SPAM1: variants seen among roughly 807,000 people sequenced by gnomAD.
The protein encoded by SPAM1 is sperm adhesion molecule 1.
A neutral mutation model predicts 29.6 loss-of-function variants in SPAM1; 22 were observed. The ratio of observed to expected loss-of-function variants is 0.74; its 90% confidence interval spans 0.53 to 1.06. SPAM1 has a LOEUF of 1.06. Among genes scored for constraint, SPAM1 ranks in the 50% least tolerant of loss-of-function variants. SPAM1 has a pLI of 0.00. For synonymous variants in SPAM1, 194 were observed against 204.6 expected (o/e 0.95, Z 0.44); for missense variants, 534 against 604.0 (o/e 0.88, Z 1.21).
In SPAM1 at chr7:123,970,796, C is replaced by A. The variant is rs146644088; in HGVS notation, c.*49-211C>A. On this transcript the variant is annotated intron_variant, in intron 6 of 6. Coordinates refer to the SPAM1 transcript ENST00000340011. ...TACAAGTAAAGAAACATATTCTATT[C>A]CATAATTTTGTGGTAGCAAACAAAG... Among the ~76,000 whole-genome samples the A allele has an allele frequency of 8.0e-3, 1,218 of 151,972 alleles. 8 individuals carry two copies. Among genetic ancestry groups the A allele is most frequent in the Non-Finnish European group, 0.012 (782 of 67,940 alleles).
Position 123,937,459 on chromosome 7 carries a change from G to C in SPAM1, c.-319+12107G>C, listed in dbSNP as rs543373559. On this transcript the variant is annotated intron_variant, in intron 1 of 4. Transcript: ENST00000682466. ...TACTAAAAATACAAAAAATTAGCCG[G>C]GCATGGTGGCGGGCGCCTGTAGTCC... Among the ~76,000 whole-genome samples, 286 of 152,002 alleles carry C rather than the reference G, an allele frequency of 1.9e-3. 1 individual carries two copies. Among genetic ancestry groups the C allele is most frequent in the Middle Eastern group, 3.4e-3 (1 of 294 alleles).
intron 1 of SPAM1, among the ~76,000 whole-genome samples, chr7:123,941,371 G>T (rs771276205): frequency 1.8e-4 from 27 of 152,168 alleles, no homozygotes; most frequent in Non-Finnish European, 2.5e-4. Flanking sequence ...ACATTGGTTT[G>T]GTGTGGCAGG....
chr7:123,937,596 CAAAAAAAAA>C (rs5887154), intron 1 of SPAM1, among the ~76,000 whole-genome samples: 1 of 85,856 alleles, frequency 1.2e-5, no homozygotes, highest in Non-Finnish European at 2.2e-5. Context: ...GACTCCATCT[CAAAAAAAAA>C]AAAAAAAAAA....
intron 1 of SPAM1, among the ~76,000 whole-genome samples, chr7:123,941,623 C>A (rs1808430920): frequency 1.3e-5 from 2 of 152,106 alleles, no homozygotes; most frequent in Admixed American, 6.5e-5. Context: ...CCCTTGTGGG[C>A]AAATTGTGCG....
At chr7:123,962,774 A>G (rs1000996485), downstream of SPAM1, among the ~76,000 whole-genome samples, 32 of 151,916 alleles carry the variant, frequency 2.1e-4, no homozygotes, top group African/African-American at 7.5e-4. Context: ...TTCCTTCTAC[A>G]AGTGGCAACT....
At chr7:123,928,386 G>T (rs1203755653) in intron 1 of SPAM1, among the ~76,000 whole-genome samples, 1 of 152,050 alleles carries the variant, frequency 6.6e-6, no homozygotes, top group African/African-American at 2.4e-5. Flanking sequence ...TTGGTCTGAA[G>T]GTAGGAAAAT....
At chr7:123,958,375 G>T (rs1792290847) in intron 4 of SPAM1, among the ~76,000 whole-genome samples, 1 of 152,038 alleles carries the variant, frequency 6.6e-6, no homozygotes, top group Non-Finnish European at 1.5e-5. Flanking sequence ...AATCATTTTA[G>T]TTAGTCATCG....
chr7:123,967,898 T>C (rs2117080819), intron 5 of SPAM1, among the ~76,000 whole-genome samples: 1 of 152,132 alleles, frequency 6.6e-6, no homozygotes, highest in Non-Finnish European at 1.5e-5. Flanking sequence ...AGAAGGCTAT[T>C]GCCATTATCT....
chr7:123,956,501 C>T (rs1025186409), intron 4 of SPAM1, among the ~76,000 whole-genome samples: 9 of 151,932 alleles, frequency 5.9e-5, no homozygotes, highest in South Asian at 2.1e-4. Context: ...CATTTCTTTT[C>T]GTTCCATTTT....
intron 1 of SPAM1, among the ~76,000 whole-genome samples, chr7:123,941,989 G>A (rs1330651392): frequency 6.6e-6 from 1 of 152,122 alleles, no homozygotes; most frequent in East Asian, 1.9e-4. Flanking sequence ...AACAACAAAC[G>A]AAGAAGTGAG....
chr7:123,971,303 C>T (rs957019990), exon 7 of SPAM1: 14 of 151,974 alleles, frequency 9.2e-5, no homozygotes, highest in African/African-American at 3.1e-4. Flanking sequence ...CCTTTTCCAT[C>T]AATTTTAGCA....
At chr7:123,964,409 AATAG>A (rs1309785993), downstream of SPAM1, among the ~76,000 whole-genome samples, 1 of 151,970 alleles carries the variant, frequency 6.6e-6, no homozygotes, top group African/African-American at 2.4e-5. Flanking sequence ...AATCCTAGAT[AATAG>A]ATATAAGGAA....
At position 123,947,619 on chromosome 7, in the gene SPAM1, CA is replaced by C. The variant is rs997291072; in HGVS notation, c.-318-2252del. 5.1e-3 allele frequency: 730 copies of C among 143,592 alleles called. 2 individuals carry two copies. Among genetic ancestry groups the C allele is most frequent in the Non-Finnish European group, 8.2e-3 (529 of 64,470 alleles). The allele number at this position is 143,592 out of a possible 1,614,324, so 8.9% of individuals were successfully genotyped here. A position where few individuals can be genotyped will look rare whatever the true frequency, so the allele number is the denominator to read the frequency against. On this transcript the variant is annotated intron_variant, in intron 1 of 4. Transcript: ENST00000682466. ...ACACACACACACACACACACACACA[CA>C]GACAGGTTCACACACTAACATTTCA...
chr7:123,953,228 G>A (rs539906753), intron 2 of SPAM1, 137 bp from the exon 3 acceptor site: 1 of 203,408 alleles, frequency 4.9e-6, no homozygotes, highest in East Asian at 1.2e-4. Flanking sequence ...TAATTTCATA[G>A]ATTCAAACAC....
At chr7:123,934,028 A>G (rs1038021931) in intron 1 of SPAM1, among the ~76,000 whole-genome samples, 6 of 152,162 alleles carry the variant, frequency 3.9e-5, no homozygotes, top group African/African-American at 1.2e-4. Flanking sequence ...TTGTGTTACA[A>G]TTCCCTACAG....
chr7:123,939,242 T>C (rs987484583), intron 1 of SPAM1, among the ~76,000 whole-genome samples: 3 of 152,030 alleles, frequency 2.0e-5, no homozygotes, highest in South Asian at 2.1e-4. Context: ...CCCGCCATCA[T>C]GCCCGGCTAA....
At chr7:123,933,055 T>TA (rs1297737232) in intron 1 of SPAM1, among the ~76,000 whole-genome samples, 2 of 151,854 alleles carry the variant, frequency 1.3e-5, no homozygotes, top group African/African-American at 4.8e-5. Flanking sequence ...TTATTTTATT[T>TA]TTTTTTTTTT....
chr7:123,945,171 T>C (rs1279815647), intron 1 of SPAM1, among the ~76,000 whole-genome samples: 1 of 152,144 alleles, frequency 6.6e-6, no homozygotes, highest in South Asian at 2.1e-4. Flanking sequence ...CAAAAATACC[T>C]CTTTATTTCT....
intron 1 of SPAM1, among the ~76,000 whole-genome samples, chr7:123,946,748 A>G (rs1217713188): frequency 6.6e-6 from 1 of 152,184 alleles, no homozygotes; most frequent in African/African-American, 2.4e-5. Flanking sequence ...CTTCCACTGC[A>G]TACAAAATTT....
Sources: gnomAD v4.1 joint callset for allele counts (sites outside exome capture counted in the v4.1 genomes callset) on GRCh38, gnomAD v4.1.1 for gene constraint, MANE v1.5 for transcripts, NCBI Gene and HGNC (gene_info 2026-07-23, HGNC 2026-07-21) for gene names.